Variants in FSHR observed in about 807,000 individuals in gnomAD.
FSHR encodes the protein follicle-stimulating hormone receptor.
A neutral mutation model predicts 52.1 loss-of-function variants in FSHR; 46 were observed. The observed-to-expected ratio is 0.88, with a 90% CI of 0.70 to 1.13. The LOEUF (loss-of-function observed/expected upper bound fraction) is 1.13. Ranked by LOEUF, FSHR falls within the 50% of genes most tolerant of loss-of-function variation. The probability of loss-of-function intolerance (pLI) is 0.00; values close to 1 mark genes in which losing one functional copy is unlikely to be tolerated. For synonymous variants in FSHR, 399 were observed against 309.6 expected, an observed-to-expected ratio of 1.29 and a Z score of -3.03; for missense variants, 964 against 834.6, an observed-to-expected ratio of 1.16 and a Z score of -1.91.
intron 1 of FSHR, among the ~76,000 whole-genome samples, chr2:49,072,080 G>T (rs1157119925): frequency 6.6e-6 from 1 of 152,020 alleles, no homozygotes; most frequent in African/African-American, 2.4e-5. Context: ...CAAGAACTAG[G>T]TTACGAAGAA....
chr2:49,009,308 C>G (rs376199340), intron 4 of FSHR, among the ~76,000 whole-genome samples: 1 of 151,560 alleles, frequency 6.6e-6, no homozygotes, highest in Non-Finnish European at 1.5e-5. Flanking sequence ...GCTTGTTTTT[C>G]TCAGGCTTGT....
chr2:48,965,535 A>T (rs1018211525), intron 9 of FSHR, among the ~76,000 whole-genome samples: 1 of 152,176 alleles, frequency 6.6e-6, no homozygotes, highest in East Asian at 1.9e-4. Flanking sequence ...TGTGGTCCTT[A>T]GTCTAACTCT....
rs577030746 is a variant in FSHR at position 49,081,986 on chromosome 2, T to C, written c.153-13696A>G. ...GATACTGGGTTCTGTGTTCTTTGAA[T>C]TTCACACAAGTTTAAAAGTTAAAGT... On this transcript the variant is annotated intron_variant, in intron 1 of 9. Transcript: ENST00000406846. 5.9e-5 allele frequency among the ~76,000 whole-genome samples: 9 copies of C among 152,298 alleles called. No homozygotes were observed. The South Asian group carries it at 1.9e-3, about 32-fold the overall frequency.
intron 3 of FSHR, among the ~76,000 whole-genome samples, chr2:49,017,914 C>G (rs1667547356): frequency 1.3e-5 from 2 of 151,876 alleles, no homozygotes; most frequent in African/African-American, 4.8e-5. Context: ...TTGGAGGAGG[C>G]TAAGAGGTTA....
chr2:49,117,266 C>A (rs976711574), intron 1 of FSHR, among the ~76,000 whole-genome samples: 7 of 152,288 alleles, frequency 4.6e-5, no homozygotes, highest in Middle Eastern at 3.4e-3. Context: ...TCAAAGCAAT[C>A]CTTGCCCTGA....
chr2:49,035,090 C>T (rs929002581), intron 2 of FSHR, among the ~76,000 whole-genome samples: 3 of 152,208 alleles, frequency 2.0e-5, no homozygotes, highest in Non-Finnish European at 4.4e-5. Flanking sequence ...CGTCTTTAAG[C>T]ATCAAGCCTG....
intron 1 of FSHR, among the ~76,000 whole-genome samples, chr2:49,071,619 A>G (rs1403810318): frequency 6.6e-6 from 1 of 152,218 alleles, no homozygotes; most frequent in East Asian, 1.9e-4. Flanking sequence ...GTTTTAGTTC[A>G]TTTGTGTTGC....
intron 8 of FSHR, among the ~76,000 whole-genome samples, chr2:48,981,271 C>T (rs975086129): frequency 7.9e-5 from 12 of 152,136 alleles, no homozygotes; most frequent in Admixed American, 3.3e-4. Flanking sequence ...TGCCTGACTC[C>T]TCTCTATTCC....
At chr2:48,971,532 T>C (rs1410114270) in intron 8 of FSHR, among the ~76,000 whole-genome samples, 1 of 152,200 alleles carries the variant, frequency 6.6e-6, no homozygotes, top group Non-Finnish European at 1.5e-5. Flanking sequence ...TTCAGGAAGA[T>C]TTACATTTTC....
At chr2:49,030,702 C>T (rs1249522916) in intron 2 of FSHR, among the ~76,000 whole-genome samples, 1 of 152,182 alleles carries the variant, frequency 6.6e-6, no homozygotes, top group Admixed American at 6.5e-5. Flanking sequence ...ATCCATCCTG[C>T]CCTTTGCAAC....
intron 1 of FSHR, among the ~76,000 whole-genome samples, chr2:49,075,802 T>G (rs1669929985): frequency 7.0e-6 from 1 of 143,860 alleles, no homozygotes; most frequent in African/African-American, 2.6e-5. Flanking sequence ...TGACTTTTGT[T>G]TTTGTTTGGG....
intron 1 of FSHR, among the ~76,000 whole-genome samples, chr2:49,085,039 C>CA (rs1470485393): frequency 6.6e-6 from 1 of 151,878 alleles, no homozygotes; most frequent in Middle Eastern, 3.2e-3. Context: ...AGAGACACAA[C>CA]AAAAAAAGAG....
At chr2:49,018,851 GTGTGTCTATT>G (rs1303650323) in intron 3 of FSHR, among the ~76,000 whole-genome samples, 7 of 152,236 alleles carry the variant, frequency 4.6e-5, no homozygotes, top group African/African-American at 1.7e-4. Context: ...ACACACACCT[GTGTGTCTATT>G]TGTGTGTGTG....
chr2:49,044,865 A>T (rs1668600427), intron 2 of FSHR, among the ~76,000 whole-genome samples: 1 of 152,174 alleles, frequency 6.6e-6, no homozygotes. Flanking sequence ...CTGTCACAAG[A>T]GGGAGTGCTC....
At chr2:49,081,709 G>A (rs945204812) in intron 1 of FSHR, among the ~76,000 whole-genome samples, 1 of 152,100 alleles carries the variant, frequency 6.6e-6, no homozygotes, top group Non-Finnish European at 1.5e-5. Flanking sequence ...TTTCTTACAT[G>A]ATAAATGGGG....
intron 1 of FSHR, among the ~76,000 whole-genome samples, chr2:49,137,561 A>G (rs368744608): frequency 3.6e-4 from 55 of 152,228 alleles, no homozygotes; most frequent in African/African-American, 1.2e-3. Flanking sequence ...AAGTTGGAGG[A>G]TTGTACTTCT....
chr2:48,992,640 T>C (rs900804013), intron 4 of FSHR, among the ~76,000 whole-genome samples: 1 of 152,146 alleles, frequency 6.6e-6, no homozygotes, highest in African/African-American at 2.4e-5. Context: ...GTTAATTTGG[T>C]GTCTTTGCCC....
rs748049867 is a variant in FSHR at position 48,968,850 on chromosome 2, A to C, written c.702T>G (p.Pro234=). ...TCTTAAGATTTTCTAAGCCATAGCT[A>C]GGCAGGGAATGGATCCTTGTTCTTG... ...DISRTRIHSL[P]SYGLENLKKL... is the part of the protein sequence containing the mutation. Residue 234 remains proline (P), a synonymous_variant, in exon 9 of 10, where the codon CCT becomes CCG. Transcript: ENST00000406846. 14 of 1,613,982 alleles carry C rather than the reference A, an allele frequency of 8.7e-6. No homozygotes were observed. The highest frequency in any genetic ancestry group is 1.1e-5 in the Non-Finnish European group (13 of 1,179,950).
chr2:49,145,100 A>T (rs1019873120), intron 1 of FSHR, among the ~76,000 whole-genome samples: 1 of 152,042 alleles, frequency 6.6e-6, no homozygotes, highest in Non-Finnish European at 1.5e-5. Context: ...GTAAACTTTT[A>T]CCCAACAGGC....
Sources: allele counts gnomAD v4.1 joint callset (sites outside exome capture counted in the v4.1 genomes callset), GRCh38; gene constraint gnomAD v4.1.1; transcripts MANE v1.5; gene names NCBI Gene and HGNC (gene_info 2026-07-23, HGNC 2026-07-21).